ZNF184: variants seen among roughly 807,000 people sequenced by gnomAD.
ZNF184 encodes the protein zinc finger protein 184 (Kruppel-like).
Under a neutral mutation model 54.4 loss-of-function variants are expected in ZNF184, and 16 were observed. The observed-to-expected ratio is 0.29, with a 90% CI of 0.20 to 0.45. The LOEUF (loss-of-function observed/expected upper bound fraction) is 0.45. ZNF184 is among the 20% of genes least tolerant of loss of function. The pLI, the probability that ZNF184 is intolerant of heterozygous loss-of-function variation, is 1.00. For missense variants in ZNF184, 681 were observed against 888.2 expected, an observed-to-expected ratio of 0.77 and a Z score of 2.97; for synonymous variants, 254 against 295.3, an observed-to-expected ratio of 0.86 and a Z score of 1.43.
At chr6:27,433,976 T>TCCTCTCCCTC in the ZNF184 span, among the ~76,000 whole-genome samples, 131 of 136,270 alleles carry the variant, frequency 9.6e-4, no homozygotes, top group Middle Eastern at 0.016. Context: ...CTCCCTCCCT[T>TCCTCTCCCTC]CCTTCCTTCC....
chr6:27,429,049 T>C, the ZNF184 span, among the ~76,000 whole-genome samples: 4 of 152,222 alleles, frequency 2.6e-5, no homozygotes, highest in Non-Finnish European at 4.4e-5. Context: ...CTGGACTGGA[T>C]ACTGGAAGAA....
At chr6:27,438,166 C>A in the ZNF184 span, among the ~76,000 whole-genome samples, 1 of 152,120 alleles carries the variant, frequency 6.6e-6, no homozygotes, top group Admixed American at 6.5e-5. Flanking sequence ...AGTAAAATGG[C>A]TTGCTGTTTC....
chr6:27,461,894 G>C (rs1294540583), intron 3 of ZNF184, among the ~76,000 whole-genome samples: 1 of 152,234 alleles, frequency 6.6e-6, no homozygotes. Context: ...GTTCCCTCTT[G>C]AGTATTCAGA....
chr6:27,440,877 T>C, the ZNF184 span, among the ~76,000 whole-genome samples: 3 of 151,860 alleles, frequency 2.0e-5, no homozygotes, highest in East Asian at 1.9e-4. Context: ...TGGTGGTGGG[T>C]GCCTGTAGTC....
At chr6:27,447,072 C>CAA (rs1321698681), downstream of ZNF184, among the ~76,000 whole-genome samples, 558 of 32,006 alleles carry the variant, frequency 0.017, 3 homozygotes, top group African/African-American at 0.03. Context: ...CCACTGCAAT[C>CAA]AAAAAAAAAA....
intron 3 of ZNF184, among the ~76,000 whole-genome samples, chr6:27,459,547 T>A (rs1178132414): frequency 6.6e-6 from 1 of 152,174 alleles, no homozygotes; most frequent in African/African-American, 2.4e-5. Flanking sequence ...ACTGCTAAAG[T>A]GCTCATGTGT....
the ZNF184 span, among the ~76,000 whole-genome samples, chr6:27,412,285 C>T: frequency 2.7e-4 from 41 of 152,292 alleles, no homozygotes; most frequent in African/African-American, 9.6e-4. Context: ...CCACCATCAG[C>T]GAGGTGAAGC....
chr6:27,428,429 C>T, the ZNF184 span, among the ~76,000 whole-genome samples: 2 of 152,206 alleles, frequency 1.3e-5, no homozygotes, highest in African/African-American at 2.4e-5. The surrounding 1 kb of genome is among the most constrained non-coding windows in gnomAD (Gnocchi z 4.1). Context: ...TCAAGGTTCA[C>T]CTCCTTCTGG....
At chr6:27,419,555 T>C in the ZNF184 span, among the ~76,000 whole-genome samples, 1 of 152,056 alleles carries the variant, frequency 6.6e-6, no homozygotes, top group African/African-American at 2.4e-5. The surrounding 1 kb of genome is among the most constrained non-coding windows in gnomAD (Gnocchi z 4.8). Flanking sequence ...GATAGATAGA[T>C]AGATAGATAG....
the ZNF184 span, among the ~76,000 whole-genome samples, chr6:27,411,930 G>A: frequency 6.6e-6 from 1 of 152,196 alleles, no homozygotes; most frequent in African/African-American, 2.4e-5. Flanking sequence ...AGTAGGTGAG[G>A]AGGGGCATGA....
the ZNF184 span, among the ~76,000 whole-genome samples, chr6:27,434,443 T>C: frequency 6.6e-6 from 1 of 152,256 alleles, no homozygotes; most frequent in Non-Finnish European, 1.5e-5. Context: ...GAGCATTTTA[T>C]TATGTGTTTA....
chr6:27,463,138 G>C (rs1409996307), intron 3 of ZNF184, among the ~76,000 whole-genome samples: 2 of 111,800 alleles, frequency 1.8e-5, no homozygotes, highest in Middle Eastern at 5.6e-3. Flanking sequence ...GGTGGGGGGA[G>C]GGGGGAGGGA....
chr6:27,407,130 G>T, the ZNF184 span, among the ~76,000 whole-genome samples: 1 of 152,242 alleles, frequency 6.6e-6, no homozygotes, highest in African/African-American at 2.4e-5. Context: ...ATTGCCAGTT[G>T]TTAGGTTTAG....
rs61602778 is a variant in ZNF184, at chr6:27,465,016, C to CAAAAAAAAAAAAA, written c.75+2824_75+2836dup. On this transcript the variant is annotated intron_variant, in intron 3 of 5. Coordinates refer to ENST00000683788, the MANE Select transcript of ZNF184 (RefSeq NM_001318891.2). ...TGGGCGACAGAGCAAGACTCTGTCT[C>CAAAAAAAAAAAAA]AAAAAAAAAAAAAAAAAAAAATAGA... is the stretch of plus-strand genomic sequence containing the variant. 3.5e-4 allele frequency among the ~76,000 whole-genome samples: 17 copies of CAAAAAAAAAAAAA among 48,914 alleles called. 1 individual carries two copies. The highest frequency in any genetic ancestry group is 1.1e-3 in the African/African-American group (10 of 8,698). 32.1% of individuals were successfully genotyped at this position (48,914 alleles called of 152,430 possible).
chr6:27,457,787 G>A (rs1449431478), intron 3 of ZNF184, among the ~76,000 whole-genome samples: 1 of 152,108 alleles, frequency 6.6e-6, no homozygotes, highest in East Asian at 1.9e-4. Flanking sequence ...GCACCCAAAG[G>A]TTTTTTGAAA....
At chr6:27,405,415 C>G in the ZNF184 span, 1 of 152,192 alleles carries the variant, frequency 6.6e-6, no homozygotes, top group African/African-American at 2.4e-5. Context: ...TGGACTGCAC[C>G]AGCAGTCCAG....
At chr6:27,458,407 A>C (rs1305635085) in intron 3 of ZNF184, among the ~76,000 whole-genome samples, 1 of 151,890 alleles carries the variant, frequency 6.6e-6, no homozygotes, top group South Asian at 2.1e-4. Flanking sequence ...TCCAGAATAT[A>C]CTCAAATCAA....
the ZNF184 span, among the ~76,000 whole-genome samples, chr6:27,423,548 C>A: frequency 6.6e-6 from 1 of 152,164 alleles, no homozygotes; most frequent in South Asian, 2.1e-4. Flanking sequence ...ATCCTTCCCC[C>A]AACATTTTCC....
In ZNF184 at chr6:27,451,326, G is replaced by C. The variant is rs777294939; in HGVS notation, c.2233C>G (p.Gln745Glu). Residue 745 changes from glutamine (Q) to glutamate (E), a missense_variant, in exon 6 of 6, where the codon CAG becomes GAG. Transcript: ENST00000683788. ...TGTCATATGCCAGGATGCAGTCTCT[G>C]ATGTTTGTTGAGAGCAGAGCGATAT... ...FRYRSALNKH[Q>E]RLHPGI 1.2e-6 allele frequency: 2 copies of C among 1,602,910 alleles called. No homozygotes were observed. Among genetic ancestry groups the C allele is most frequent in the Non-Finnish European group, 1.7e-6 (2 of 1,174,562 alleles).
Sources: gnomAD v4.1 joint callset for allele counts (sites outside exome capture counted in the v4.1 genomes callset) on GRCh38, gnomAD v4.1.1 for gene constraint, Gnocchi (gnomAD v3.1) non-coding constraint, MANE v1.5 for transcripts, NCBI Gene and HGNC (gene_info 2026-07-23, HGNC 2026-07-21) for gene names.